NKTR: variants seen among roughly 807,000 people sequenced by gnomAD.
NKTR encodes NK-tumor recognition protein.
Under a neutral mutation model 156.3 loss-of-function variants are expected in NKTR, and 67 were observed. That is an observed-to-expected ratio of 0.43 (90% CI 0.35 to 0.53). The LOEUF (loss-of-function observed/expected upper bound fraction) is 0.53, where lower values mean the gene tolerates loss of function less well. Among genes scored for constraint, NKTR ranks in the 20% least tolerant of loss-of-function variants. The pLI is 0.01. For synonymous variants in NKTR, 640 were observed against 596.6 expected, an observed-to-expected ratio of 1.07 and a Z score of -1.06; for missense variants, 1,604 against 1,730.9, an observed-to-expected ratio of 0.93 and a Z score of 1.30.
At chr3:42,642,977 C>T (rs995767029) in intron 14 of NKTR, among the ~76,000 whole-genome samples, 1 of 152,054 alleles carries the variant, frequency 6.6e-6, no homozygotes, top group Non-Finnish European at 1.5e-5. Flanking sequence ...GAAGGGTGGC[C>T]CCAGATTTCT....
Position 42,634,621 on chromosome 3 carries a change from C to G in NKTR, c.938C>G (p.Pro313Arg), listed in dbSNP as rs908754355. 1 of 1,550,468 alleles carries G rather than the reference C, an allele frequency of 6.4e-7. No homozygotes were observed. The highest frequency in any genetic ancestry group is 1.4e-5 in the African/African-American group (1 of 72,480). ...CAATCTTCTTTTCCTAGGAAGATTCCTGATGTTGCACCCATTGTAAGTGAT... is the reference window on the plus strand; with the variant it reads ...CAATCTTCTTTTCCTAGGAAGATTCGTGATGTTGCACCCATTGTAAGTGAT... ...VVTAEPEPKIPDVAPIVSDQK... is the reference protein window; with the variant it reads ...VVTAEPEPKIRDVAPIVSDQK... Residue 313 changes from proline to arginine, a missense_variant, in exon 11 of 17, where the codon CCT (proline) becomes CGT (arginine). Physicochemically the swap from Pro to Arg is moderately radical, Grantham distance 103. This residue lies in a region of NKTR where 1,255 missense variants were observed against 1,243.7 expected (regional missense o/e 1.01). Transcript: ENST00000232978.
chr3:42,631,436 A>G, intron 8 of NKTR, 120 bp downstream of exon 8: 1 of 1,101,682 alleles, frequency 9.1e-7, no homozygotes, highest in Non-Finnish European at 1.3e-6. Context: ...CCCCTGAATC[A>G]TACCCTACAT....
chr3:42,625,736 A>G (rs749468059), intron 6 of NKTR, among the ~76,000 whole-genome samples: 2 of 152,088 alleles, frequency 1.3e-5, no homozygotes, highest in Non-Finnish European at 2.9e-5. Context: ...TTCATATGTT[A>G]ATTTCAGATT....
chr3:42,644,665 A>G (rs1412173753), intron 16 of NKTR, among the ~76,000 whole-genome samples: 1 of 151,798 alleles, frequency 6.6e-6, no homozygotes, highest in Admixed American at 6.6e-5. Context: ...CTCAGCACCA[A>G]CTCCAGCTCA....
intron 2 of NKTR, chr3:42,602,443 G>A (rs13100261): frequency 0.059 from 9,016 of 152,250 alleles, 357 homozygotes; most frequent in South Asian, 0.1. Flanking sequence ...GTACTTGCAT[G>A]TTTGAGGGAC....
chr3:42,628,213 C>G, intron 6 of NKTR: 1 of 985,380 alleles, frequency 1.0e-6, no homozygotes, highest in Non-Finnish European at 1.2e-6. Flanking sequence ...AAGTAATGGA[C>G]TTTAATCATT....
Position 42,639,004 on chromosome 3 carries a change from A to G in NKTR, c.3300A>G (p.Glu1100=). The G allele has an allele frequency of 6.2e-7, 1 of 1,613,582 alleles. No individual in the cohort carries two copies. Among genetic ancestry groups the G allele is most frequent in the Non-Finnish European group, 8.5e-7 (1 of 1,179,804 alleles). ...SISPTALNTE[E]NVACLQNIQH... The stretch of plus-strand genomic sequence containing the variant: ...CTCCCACAGCTTTAAATACTGAGGA[A>G]AATGTGGCCTGTTTACAAAACATTC... Residue 1100 remains glutamate, a synonymous_variant, in exon 13 of 17, where the codon GAA becomes GAG. Coordinates refer to ENST00000232978, the MANE Select transcript of NKTR (RefSeq NM_005385.4).
chr3:42,640,927 C>A (rs1468397043), intron 13 of NKTR, among the ~76,000 whole-genome samples: 1 of 152,230 alleles, frequency 6.6e-6, no homozygotes. Flanking sequence ...TGCTTATGAT[C>A]TGCCTTAACC....
At position 42,646,438 on chromosome 3, in the gene NKTR, A is replaced by T. The variant is rs973408380; in HGVS notation, c.*463A>T. The T allele has an allele frequency of 1.3e-5, 2 of 155,434 alleles. No homozygotes were observed. Among genetic ancestry groups the T allele is most frequent in the Non-Finnish European group, 2.9e-5 (2 of 69,762 alleles). 9.6% of individuals were successfully genotyped at this position (155,434 alleles called of 1,614,324 possible). A position where few individuals can be genotyped will look rare whatever the true frequency, so the allele number is the denominator to read the frequency against. On this transcript the variant is annotated 3_prime_UTR_variant, in exon 17 of 17. Coordinates refer to ENST00000232978, the MANE Select transcript of NKTR (RefSeq NM_005385.4). ...AGTCTTGTACATATGTGCTCTAAAA[A>T]CAAACCACCCAGAATTGATACTGTT... is the stretch of plus-strand genomic sequence containing the variant.
At position 42,635,363 on chromosome 3, in the gene NKTR, ATAAG is replaced by A; in HGVS notation, c.1163+2_1163+5del. On this transcript the variant is annotated splice_donor_variant and coding_sequence_variant, in exon 12 of 17. Coordinates refer to ENST00000232978, the MANE Select transcript of NKTR (RefSeq NM_005385.4). LOFTEE classifies it high-confidence loss of function. ...AGTGGAGAAAAATGGAGTAAAGGAG[ATAAG>A]TAAGAACTTTGAGTATAAGCACAAT... The A allele has an allele frequency of 1.2e-6, 2 of 1,607,254 alleles. No homozygotes were observed. The highest frequency in any genetic ancestry group is 1.7e-6 in the Non-Finnish European group (2 of 1,176,912).
At chr3:42,611,642 A>T (rs1410522374) in intron 2 of NKTR, among the ~76,000 whole-genome samples, 1 of 151,746 alleles carries the variant, frequency 6.6e-6, no homozygotes, top group African/African-American at 2.4e-5. Context: ...CTGAGGCAGG[A>T]GAATTGCTTG....
At chr3:42,627,797 A>AT in intron 6 of NKTR, 1 of 984,860 alleles carries the variant, frequency 1.0e-6, no homozygotes. Flanking sequence ...AAATTTAAAC[A>AT]TTTTTGATAG....
At chr3:42,610,949 A>G (rs922912290) in intron 2 of NKTR, among the ~76,000 whole-genome samples, 1 of 152,096 alleles carries the variant, frequency 6.6e-6, no homozygotes, top group Admixed American at 6.6e-5. Flanking sequence ...TCTGTATACT[A>G]TCTTATAATT....
At chr3:42,615,708 T>C (rs181356365) in intron 2 of NKTR, among the ~76,000 whole-genome samples, 29 of 152,340 alleles carry the variant, frequency 1.9e-4, no homozygotes, top group African/African-American at 7.0e-4. Flanking sequence ...TGCAAAGATC[T>C]AAGTCTGTTC....
Position 42,606,160 on chromosome 3 carries a change from G to T in NKTR, c.58+5096G>T, listed in dbSNP as rs114634726. ...TGTAGGGTTTCCTCAATGATGTTTA[G>T]ATTTTATAACGTCCTCTTATAGCTA... On this transcript the variant is annotated intron_variant, in intron 2 of 16. Coordinates refer to ENST00000232978, the MANE Select transcript of NKTR (RefSeq NM_005385.4). 9.5e-3 allele frequency among the ~76,000 whole-genome samples: 1,441 copies of T among 152,134 alleles called. 20 individuals are homozygous for T. Among genetic ancestry groups the T allele is most frequent in the African/African-American group, 0.033 (1,350 of 41,478 alleles).
Position 42,638,840 on chromosome 3 carries a change from G to A in NKTR, c.3136G>A (p.Glu1046Lys). Residue 1046 changes from glutamate to lysine, a missense_variant, in exon 13 of 17, where the codon GAA becomes AAA. Glu to Lys is a moderately conservative substitution (Grantham distance 56, BLOSUM62 1). Coordinates refer to ENST00000232978, the MANE Select transcript of NKTR (RefSeq NM_005385.4). ...GGAATCAAAAGAGAAAAAAGTTTCTGAAAACAATGAAACCATAAAAGATAA... is the reference window on the plus strand; with the variant it reads ...GGAATCAAAAGAGAAAAAAGTTTCTAAAAACAATGAAACCATAAAAGATAA... ...TQESKEKKVS[E>K]NNETIKDNIL... 1 of 1,601,804 alleles carries A rather than the reference G, an allele frequency of 6.2e-7. No homozygotes were observed. The highest frequency in any genetic ancestry group is 1.8e-5 in the Admixed American group (1 of 56,696).
chr3:42,616,519 T>C (rs901011634), intron 2 of NKTR, among the ~76,000 whole-genome samples: 2 of 152,216 alleles, frequency 1.3e-5, no homozygotes, highest in Non-Finnish European at 2.9e-5. Context: ...TTGTGTATTC[T>C]TGTGTTTTAA....
chr3:42,647,317 TCTTTA>T lies in NKTR; in HGVS notation c.*1347_*1351del, dbSNP rs1270963544. 2.1e-5 allele frequency: 3 copies of T among 143,178 alleles called. No homozygotes were observed. The highest frequency in any genetic ancestry group is 4.7e-5 in the Non-Finnish European group (3 of 64,262). 8.9% of individuals were successfully genotyped at this position (143,178 alleles called of 1,614,324 possible). A position where few individuals can be genotyped will look rare whatever the true frequency, so the allele number is the denominator to read the frequency against. On this transcript the variant is annotated 3_prime_UTR_variant, in exon 17 of 17. Coordinates refer to ENST00000232978, the MANE Select transcript of NKTR (RefSeq NM_005385.4). ...GTGTGTGTGTGGTTTTTTTTTTTAA[TCTTTA>T]CTTTGAATTTGTTCCCCAAGTGTAC...
At chr3:42,621,584 A>G in intron 6 of NKTR, 68 bp downstream of exon 6, 1 of 1,520,572 alleles carries the variant, frequency 6.6e-7, no homozygotes, top group Non-Finnish European at 8.8e-7. Context: ...GAAAGATGGT[A>G]TAGTTAAACC....
Sources: gnomAD v4.1 joint callset for allele counts (sites outside exome capture counted in the v4.1 genomes callset) on GRCh38, gnomAD v4.1.1 for gene constraint, gnomAD v4.1.1 regional missense constraint, MANE v1.5 for transcripts, NCBI Gene and HGNC (gene_info 2026-07-23, HGNC 2026-07-21) for gene names.